Variants in ZNF766 observed in about 807,000 individuals in gnomAD.
ZNF766 encodes zinc finger protein 766.
ZNF766 carries 13 observed loss-of-function variants against 13.2 expected under a neutral mutation model. That is an observed-to-expected ratio of 0.98 (90% CI 0.64 to 1.56). The LOEUF is 1.56. Ranked by LOEUF, ZNF766 falls within the 40% of genes most tolerant of loss-of-function variation. The pLI is 0.00. For missense variants in ZNF766, 521 were observed against 552.2 expected, an observed-to-expected ratio of 0.94 and a Z score of 0.57; for synonymous variants, 178 against 187.6, an observed-to-expected ratio of 0.95 and a Z score of 0.42.
Position 52,292,746 on chromosome 19 carries a change from C to G in ZNF766, c.*1548C>G, listed in dbSNP as rs1441726052. Reference sequence around the variant, plus strand: ...TGTGAATGATTTACCTTCTTTCTACCAATATTGTTTTATCTCGTCTCAGGA... The same window carrying G: ...TGTGAATGATTTACCTTCTTTCTACGAATATTGTTTTATCTCGTCTCAGGA... On this transcript the variant is annotated 3_prime_UTR_variant, in exon 4 of 4. Transcript: ENST00000439461. The G allele has an allele frequency of 6.6e-6, 1 of 152,152 alleles. No homozygotes were observed. The highest frequency in any genetic ancestry group is 1.5e-5 in the Non-Finnish European group (1 of 68,066). 9.4% of individuals were successfully genotyped at this position (152,152 alleles called of 1,614,324 possible).
chr19:52,291,201 T>A lies in ZNF766; in HGVS notation c.*3T>A, dbSNP rs1191381066. 5.2e-6 allele frequency: 8 copies of A among 1,551,512 alleles called. No homozygotes were observed. The East Asian group carries it at 1.8e-4, about 35-fold the overall frequency. On this transcript the variant is annotated 3_prime_UTR_variant, in exon 4 of 4. Transcript: ENST00000439461. ...ATGAGAGAGTCCTTACAAACTGAGT[T>A]TGGCAAACTCTATCATAAGTTCTAG... is the stretch of plus-strand genomic sequence containing the variant.
intron 1 of ZNF766, among the ~76,000 whole-genome samples, chr19:52,279,564 A>AT (rs1484073851): frequency 6.6e-6 from 1 of 152,010 alleles, no homozygotes; most frequent in East Asian, 1.9e-4. Context: ...TCACTAGAGA[A>AT]TAAATTTTAA....
chr19:52,281,935 G>T (rs1449407297), intron 1 of ZNF766, 176 bp from the exon 2 acceptor site: 2 of 740,716 alleles, frequency 2.7e-6, no homozygotes, highest in Non-Finnish European at 2.3e-6. Flanking sequence ...TTATGGAAAA[G>T]TATAATAAAA....
At chr19:52,279,287 T>C (rs767450380) in intron 1 of ZNF766, among the ~76,000 whole-genome samples, 21 of 152,330 alleles carry the variant, frequency 1.4e-4, no homozygotes, top group Admixed American at 2.6e-4. Flanking sequence ...CCTTGTGGTA[T>C]AGTTTGAAGT....
chr19:52,285,568 A>G (rs1166728848), intron 3 of ZNF766, among the ~76,000 whole-genome samples: 3 of 152,244 alleles, frequency 2.0e-5, no homozygotes, highest in African/African-American at 7.2e-5. Context: ...TGGGACAGGT[A>G]TGGGGGAAGG....
chr19:52,269,728 G>A, intron 1 of ZNF766, 97 bp downstream of exon 1: 1 of 1,458,878 alleles, frequency 6.9e-7, no homozygotes, highest in Non-Finnish European at 9.4e-7. Flanking sequence ...TGAAATCCCC[G>A]CACCGCTCTC....
intron 3 of ZNF766, among the ~76,000 whole-genome samples, chr19:52,286,899 G>A (rs1981856463): frequency 6.6e-6 from 1 of 152,124 alleles, no homozygotes; most frequent in African/African-American, 2.4e-5. Flanking sequence ...GCAGTGGCTT[G>A]ATCTCGGCCC....
In ZNF766 at chr19:52,283,425, G is replaced by T; in HGVS notation, c.274+12G>T. On this transcript the variant is annotated intron_variant, in intron 3 of 3. Transcript: ENST00000439461. Reference sequence around the variant, plus strand: ...AGATATCAACACAGGTAAGAGCTCAGATGGACAGAGTGAAAGCCACACTTT... The same window carrying T: ...AGATATCAACACAGGTAAGAGCTCATATGGACAGAGTGAAAGCCACACTTT... 3 of 1,557,904 alleles carry T rather than the reference G, an allele frequency of 1.9e-6. No homozygotes were observed. In the Admixed American group the frequency reaches 6.2e-5, roughly 32 times the overall value.
intron 1 of ZNF766, chr19:52,281,314 T>G: frequency 4.7e-6 from 1 of 213,070 alleles, no homozygotes; most frequent in East Asian, 1.7e-4. Flanking sequence ...AGGTCAGGAG[T>G]TCAAGACCAG....
At chr19:52,282,335 A>G in intron 2 of ZNF766, 98 bp downstream of exon 2, 1 of 1,414,226 alleles carries the variant, frequency 7.1e-7, no homozygotes, top group Non-Finnish European at 9.4e-7. Flanking sequence ...CTTGACTGAG[A>G]TTGAAACCCT....
intron 3 of ZNF766, among the ~76,000 whole-genome samples, chr19:52,286,457 G>A (rs1981835229): frequency 6.6e-6 from 1 of 150,924 alleles, no homozygotes; most frequent in African/African-American, 2.4e-5. Flanking sequence ...TGTATTTTTT[G>A]TAGAGGTGGA....
intron 3 of ZNF766, among the ~76,000 whole-genome samples, chr19:52,289,240 T>C (rs1321635842): frequency 6.7e-6 from 1 of 149,822 alleles, no homozygotes; most frequent in Non-Finnish European, 1.5e-5. Context: ...AACCTCTGCC[T>C]GCCGGGTTCA....
chr19:52,280,871 CTT>C (rs1312348609), intron 1 of ZNF766, among the ~76,000 whole-genome samples: 2 of 148,366 alleles, frequency 1.3e-5, no homozygotes, highest in Non-Finnish European at 3.0e-5. Flanking sequence ...TGAGCCAACA[CTT>C]TTGGCCGTGC....
rs1005102273 is a variant in ZNF766 at position 52,294,983 on chromosome 19, T to C, written c.*3785T>C. 2.0e-5 allele frequency: 3 copies of C among 151,216 alleles called. No individual in the cohort carries two copies. Among genetic ancestry groups the C allele is most frequent in the Non-Finnish European group, 2.9e-5 (2 of 67,828 alleles). 9.4% of individuals were successfully genotyped at this position (151,216 alleles called of 1,614,324 possible). On this transcript the variant is annotated 3_prime_UTR_variant, in exon 4 of 4. Transcript: ENST00000439461. Reference sequence around the variant, plus strand: ...GATTAAAATATATTTGTTATAAATATGATATTACTAGAAGAGCATTTTTCC... The same window carrying C: ...GATTAAAATATATTTGTTATAAATACGATATTACTAGAAGAGCATTTTTCC...
chr19:52,270,160 C>T (rs989621562), intron 1 of ZNF766, among the ~76,000 whole-genome samples: 3 of 152,136 alleles, frequency 2.0e-5, no homozygotes, highest in African/African-American at 7.2e-5. Context: ...TATCTCAGGG[C>T]ACCCAGTGTT....
Position 52,292,003 on chromosome 19 carries a change from T to G in ZNF766, c.*805T>G. On this transcript the variant is annotated 3_prime_UTR_variant, in exon 4 of 4. Coordinates refer to ENST00000439461, the MANE Select transcript of ZNF766 (RefSeq NM_001010851.3). ...AAGAGGATTGCTCAAGCCCAGGAGT[T>G]TGAGAGTTTGAGCAGTGAGCTCTGA... The G allele has an allele frequency of 1.7e-6, 1 of 592,698 alleles. No individual in the cohort carries two copies. The highest frequency in any genetic ancestry group is 3.0e-6 in the Non-Finnish European group (1 of 333,808). 36.7% of individuals were successfully genotyped at this position (592,698 alleles called of 1,614,324 possible).
Position 52,290,668 on chromosome 19 carries a change from C to G in ZNF766, c.877C>G (p.His293Asp). 6.2e-7 allele frequency: 1 copy of G among 1,613,614 alleles called. No homozygotes were observed. Among genetic ancestry groups the G allele is most frequent in the Non-Finnish European group, 8.5e-7 (1 of 1,179,742 alleles). The change falls in exon 4 of 4, where the codon CAT (histidine) becomes GAT (aspartate). Residue 293 changes from histidine to aspartate, a missense_variant. Physicochemically the swap from His to Asp is moderately conservative, Grantham distance 81. Transcript: ENST00000439461. ...ITYLVRHQKI[H>D]TREKPHKCNK... The stretch of plus-strand genomic sequence containing the variant: ...ATACCTTGTACGACATCAGAAAATT[C>G]ATACTAGAGAGAAACCTCATAAATG...
chr19:52,270,452 G>T (rs544900597), intron 1 of ZNF766, among the ~76,000 whole-genome samples: 1 of 152,258 alleles, frequency 6.6e-6, no homozygotes, highest in African/African-American at 2.4e-5. Flanking sequence ...ACAGATGAAG[G>T]ACAGCAAGGT....
Position 52,290,351 on chromosome 19 carries a change from A to T in ZNF766, c.560A>T (p.Tyr187Phe), listed in dbSNP as rs1323749255. The change falls in exon 4 of 4, where the codon TAC becomes TTC. Residue 187 changes from tyrosine (Y) to phenylalanine (F), a missense_variant. Tyr to Phe is a conservative substitution (Grantham distance 22, BLOSUM62 3). Coordinates refer to ENST00000439461, the MANE Select transcript of ZNF766 (RefSeq NM_001010851.3). ...EQKAHIRRKP[Y>F]ECNEQGKVFR... is the part of the protein sequence containing the mutation. ...AAAGCACACATTAGGAGAAAACCTTACGAATGTAATGAGCAGGGCAAAGTC... is the reference window on the plus strand; with the variant it reads ...AAAGCACACATTAGGAGAAAACCTTTCGAATGTAATGAGCAGGGCAAAGTC... The T allele has an allele frequency of 6.2e-7, 1 of 1,614,146 alleles. No homozygotes were observed. Among genetic ancestry groups the T allele is most frequent in the Admixed American group, 1.7e-5 (1 of 60,030 alleles).
Sources: allele counts gnomAD v4.1 joint callset (sites outside exome capture counted in the v4.1 genomes callset), GRCh38; gene constraint gnomAD v4.1.1; transcripts MANE v1.5; gene names NCBI Gene and HGNC (gene_info 2026-07-23, HGNC 2026-07-21).